CDH18: variants seen among roughly 807,000 people sequenced by gnomAD.
CDH18 encodes the protein cadherin 18.
In CDH18, 31 loss-of-function variants were observed where a neutral mutation model predicts 67.9. The ratio of observed to expected loss-of-function variants is 0.46; its 90% CI spans 0.34 to 0.62. CDH18 has a LOEUF of 0.62. Among genes scored for constraint, CDH18 ranks in the 20% least tolerant of loss-of-function variants. The pLI, the probability that CDH18 is intolerant of heterozygous loss-of-function variation, is 0.01. For missense variants in CDH18, 890 were observed against 975.5 expected (o/e 0.91, Z 1.17); for synonymous variants, 362 against 347.2 (o/e 1.04, Z -0.48).
intron 3 of CDH18, among the ~76,000 whole-genome samples, chr5:19,838,072 G>A (rs957539429): frequency 1.3e-5 from 2 of 152,032 alleles, no homozygotes; most frequent in Admixed American, 1.3e-4. Flanking sequence ...TGAGAGAAAG[G>A]GAACTTGACC....
At chr5:20,362,818 A>T (rs778556720) in intron 1 of CDH18, among the ~76,000 whole-genome samples, 28 of 152,134 alleles carry the variant, frequency 1.8e-4, no homozygotes, top group Admixed American at 9.8e-4. Context: ...TGTATGCTAC[A>T]TTCTCCATAC....
chr5:20,002,762 G>T (rs1413066075), intron 2 of CDH18, among the ~76,000 whole-genome samples: 1 of 152,138 alleles, frequency 6.6e-6, no homozygotes, highest in Non-Finnish European at 1.5e-5. Flanking sequence ...TCTCTGAAAA[G>T]CAAAAGGCAG....
intron 5 of CDH18, among the ~76,000 whole-genome samples, chr5:19,696,065 A>T (rs1438266611): frequency 1.3e-5 from 2 of 152,168 alleles, no homozygotes; most frequent in Admixed American, 6.5e-5. Context: ...TTATATCTTG[A>T]TTGATGGTTA....
intron 1 of CDH18, among the ~76,000 whole-genome samples, chr5:20,500,382 G>A (rs1193082762): frequency 1.3e-5 from 2 of 152,118 alleles, no homozygotes; most frequent in Non-Finnish European, 2.9e-5. Flanking sequence ...CAAATGCTGG[G>A]TTTCAAGGAA....
chr5:20,002,845 C>G (rs547334664), intron 2 of CDH18, among the ~76,000 whole-genome samples: 1 of 151,890 alleles, frequency 6.6e-6, no homozygotes, highest in South Asian at 2.1e-4. Flanking sequence ...TTTCAGAGTT[C>G]CAGAGGACAA....
In CDH18 at chr5:19,516,261, T is replaced by C. The variant is rs184027304; in HGVS notation, c.1512+4396A>G. On this transcript the variant is annotated intron_variant, in intron 10 of 12. Transcript: ENST00000382275. ...CTGGATTTGGTTTGCCAGTATTTTA[T>C]TGAGGATTTTCACATTGATATTCAT... 4.1e-3 allele frequency among the ~76,000 whole-genome samples: 630 copies of C among 152,342 alleles called. 4 individuals are homozygous for C. The highest frequency in any genetic ancestry group is 0.014 in the African/African-American group (600 of 41,582).
At chr5:20,387,820 A>T (rs1262488920) in intron 1 of CDH18, among the ~76,000 whole-genome samples, 1 of 152,168 alleles carries the variant, frequency 6.6e-6, no homozygotes, top group Non-Finnish European at 1.5e-5. Context: ...ACCTATTGAG[A>T]TAATCACATG....
At chr5:20,119,526 A>G (rs1191237307) in intron 2 of CDH18, among the ~76,000 whole-genome samples, 1 of 152,228 alleles carries the variant, frequency 6.6e-6, no homozygotes, top group African/African-American at 2.4e-5. Flanking sequence ...AATTAATAAA[A>G]GAGTAGAAAA....
At chr5:20,035,391 A>C (rs1739762366) in intron 2 of CDH18, among the ~76,000 whole-genome samples, 1 of 152,020 alleles carries the variant, frequency 6.6e-6, no homozygotes. Context: ...TTCTATTCTC[A>C]CACTGCTATA....
At chr5:20,393,790 A>G (rs920888420) in intron 1 of CDH18, among the ~76,000 whole-genome samples, 2 of 151,968 alleles carry the variant, frequency 1.3e-5, no homozygotes, top group Non-Finnish European at 2.9e-5. Context: ...AAAAAATACA[A>G]TACAATACAA....
intron 8 of CDH18, among the ~76,000 whole-genome samples, chr5:19,554,168 A>G (rs1689684): frequency 0.1 from 15,239 of 152,192 alleles, 1,062 homozygotes; most frequent in African/African-American, 0.2. Context: ...ATTTGCGGAT[A>G]CTTTTTAACC....
chr5:20,257,673 A>C (rs181411227), intron 1 of CDH18, among the ~76,000 whole-genome samples: 1 of 152,284 alleles, frequency 6.6e-6, no homozygotes, highest in Non-Finnish European at 1.5e-5. Context: ...TAAACAATTC[A>C]ATTTCCTGCA....
At chr5:19,852,110 C>T (rs1009585931) in intron 2 of CDH18, among the ~76,000 whole-genome samples, 3 of 151,954 alleles carry the variant, frequency 2.0e-5, no homozygotes, top group African/African-American at 7.2e-5. Flanking sequence ...CACAATTTGT[C>T]CTTCCTGGAG....
At chr5:20,117,974 C>T (rs1418813917) in intron 2 of CDH18, among the ~76,000 whole-genome samples, 1 of 152,020 alleles carries the variant, frequency 6.6e-6, no homozygotes, top group African/African-American at 2.4e-5. Context: ...ATCATAAGGC[C>T]ACAGGAGGTG....
At chr5:19,765,880 CA>C (rs1773019717) in intron 3 of CDH18, among the ~76,000 whole-genome samples, 5 of 27,836 alleles carry the variant, frequency 1.8e-4, no homozygotes, top group South Asian at 3.6e-3. Flanking sequence ...ATTCAAAAAA[CA>C]TTTTTTTTTT....
chr5:20,262,830 G>A (rs1018989864), intron 1 of CDH18, among the ~76,000 whole-genome samples: 2 of 151,598 alleles, frequency 1.3e-5, no homozygotes, highest in African/African-American at 4.9e-5. Flanking sequence ...AGAAACACTG[G>A]TGCCTTTGCA....
At chr5:20,377,082 A>T (rs1184770630) in intron 1 of CDH18, among the ~76,000 whole-genome samples, 1 of 152,120 alleles carries the variant, frequency 6.6e-6, no homozygotes, top group Non-Finnish European at 1.5e-5. Flanking sequence ...CTCTTTCTGA[A>T]GCGGTCACTT....
At chr5:19,504,346 C>T (rs370316588) in intron 10 of CDH18, among the ~76,000 whole-genome samples, 10 of 152,188 alleles carry the variant, frequency 6.6e-5, no homozygotes, top group African/African-American at 1.4e-4. Context: ...CTCCTTACCC[C>T]TGCCTCCATC....
At chr5:20,163,767 T>C (rs557281412) in intron 2 of CDH18, among the ~76,000 whole-genome samples, 104 of 152,262 alleles carry the variant, frequency 6.8e-4, no homozygotes, top group Non-Finnish European at 1.1e-3. Context: ...ATCACTAAAG[T>C]TTTCTCAGCT....
Sources: gnomAD v4.1 joint callset for allele counts (sites outside exome capture counted in the v4.1 genomes callset) on GRCh38, gnomAD v4.1.1 for gene constraint, MANE v1.5 for transcripts, NCBI Gene and HGNC (gene_info 2026-07-23, HGNC 2026-07-21) for gene names.